Variants in AFF1 observed in about 807,000 individuals in gnomAD.
The protein encoded by AFF1 is ALF transcription elongation factor 1.
A neutral mutation model predicts 121.7 loss-of-function variants in AFF1; 48 were observed. The observed-to-expected ratio is 0.39, with a 90% CI of 0.31 to 0.50. The LOEUF (loss-of-function observed/expected upper bound fraction) is 0.50. Ranked by LOEUF, AFF1 falls within the 20% of genes least tolerant of loss-of-function variation. The probability of loss-of-function intolerance (pLI) is 0.76; values close to 1 mark genes in which losing one functional copy is unlikely to be tolerated. For synonymous variants in AFF1, 613 were observed against 563.0 expected (o/e 1.09, Z -1.26); for missense variants, 1,523 against 1,511.7 (o/e 1.01, Z -0.12).
intron 2 of AFF1, among the ~76,000 whole-genome samples, chr4:87,011,945 C>T (rs1726807566): frequency 6.6e-6 from 1 of 152,174 alleles, no homozygotes; most frequent in Non-Finnish European, 1.5e-5. Flanking sequence ...AAAAGATATT[C>T]CATAGCTGGA....
chr4:86,939,960 G>A (rs899681108), intron 1 of AFF1, among the ~76,000 whole-genome samples: 6 of 152,196 alleles, frequency 3.9e-5, no homozygotes, highest in Non-Finnish European at 8.8e-5. Flanking sequence ...CAGACAGCTT[G>A]GGTTTGAATC....
intron 12 of AFF1, among the ~76,000 whole-genome samples, chr4:87,117,965 C>T (rs568319030): frequency 1.3e-5 from 2 of 152,228 alleles, no homozygotes; most frequent in South Asian, 4.1e-4. Flanking sequence ...ATGGCAGAGA[C>T]AGGGCTGTGA....
At chr4:86,966,682 A>G (rs1442554215) in intron 2 of AFF1, among the ~76,000 whole-genome samples, 1 of 151,650 alleles carries the variant, frequency 6.6e-6, no homozygotes, top group Non-Finnish European at 1.5e-5. Context: ...AGCCTTTAGG[A>G]TTTGTTGATT....
rs1367438446 is a variant in AFF1, at chr4:87,139,736, G to A, written c.*4035G>A. 8.8e-6 allele frequency: 2 copies of A among 227,354 alleles called. No individual in the cohort carries two copies. The highest frequency in any genetic ancestry group is 4.4e-5 in the African/African-American group (2 of 44,964). 14.1% of individuals were successfully genotyped at this position (227,354 alleles called of 1,614,324 possible). ...TTGTGTCATTCTATTGGAAGGAGGT[G>A]TAACGGCAGAATAGCATCGTGTTGG... is the stretch of plus-strand genomic sequence containing the variant. On this transcript the variant is annotated 3_prime_UTR_variant, in exon 21 of 21. Coordinates refer to ENST00000395146, the MANE Select transcript of AFF1 (RefSeq NM_001166693.3).
intron 2 of AFF1, among the ~76,000 whole-genome samples, chr4:86,983,141 A>G (rs1229631510): frequency 2.6e-5 from 4 of 152,138 alleles, no homozygotes; most frequent in Non-Finnish European, 5.9e-5. Context: ...TTGTAATCCC[A>G]GCACTTTAGG....
chr4:87,078,292 T>G (rs1277680309), intron 4 of AFF1, among the ~76,000 whole-genome samples: 2 of 152,224 alleles, frequency 1.3e-5, no homozygotes, highest in African/African-American at 2.4e-5. Context: ...TGCTTTATAA[T>G]TCAGGCAGCC....
At chr4:87,093,316 T>A (rs1257404828) in intron 7 of AFF1, among the ~76,000 whole-genome samples, 1 of 152,158 alleles carries the variant, frequency 6.6e-6, no homozygotes, top group Non-Finnish European at 1.5e-5. Context: ...TATTTATCTT[T>A]GTGAGAATGT....
intron 4 of AFF1, among the ~76,000 whole-genome samples, chr4:87,058,745 C>G (rs1169131520): frequency 6.6e-6 from 1 of 152,160 alleles, no homozygotes. Context: ...TTTCTTGTTC[C>G]CTCCACAGCA....
chr4:87,024,657 A>G (rs1479081142), intron 2 of AFF1, among the ~76,000 whole-genome samples: 1 of 152,058 alleles, frequency 6.6e-6, no homozygotes, highest in Non-Finnish European at 1.5e-5. Flanking sequence ...CAGTGGCGCT[A>G]TCTGTTCACT....
chr4:87,029,449 C>T, intron 2 of AFF1, among the ~76,000 whole-genome samples: 1 of 152,326 alleles, frequency 6.6e-6, no homozygotes, highest in African/African-American at 2.4e-5. Context: ...TCAGATCCAG[C>T]AGTGCATTCT....
At chr4:87,013,522 CTGTT>C (rs1443993290) in intron 2 of AFF1, among the ~76,000 whole-genome samples, 2 of 152,174 alleles carry the variant, frequency 1.3e-5, no homozygotes, top group African/African-American at 2.4e-5. Flanking sequence ...AGGGCACTCA[CTGTT>C]TGACTGCATT....
chr4:87,120,080 A>T (rs913753149), intron 12 of AFF1, among the ~76,000 whole-genome samples: 6 of 152,234 alleles, frequency 3.9e-5, no homozygotes, highest in African/African-American at 1.4e-4. Flanking sequence ...TGAGGAGAGC[A>T]CCACAACCAT....
At chr4:87,020,493 T>C (rs905160439) in intron 2 of AFF1, among the ~76,000 whole-genome samples, 1 of 152,122 alleles carries the variant, frequency 6.6e-6, no homozygotes, top group Non-Finnish European at 1.5e-5. Context: ...TGTTTTGTTT[T>C]GTTTTGTTTC....
At chr4:87,045,731 T>C (rs1730621872) in intron 2 of AFF1, among the ~76,000 whole-genome samples, 2 of 152,192 alleles carry the variant, frequency 1.3e-5, no homozygotes, top group Admixed American at 6.5e-5. Flanking sequence ...TCTTTCAAAA[T>C]GTACGCTACT....
At chr4:87,120,165 C>G (rs147504603) in intron 12 of AFF1, among the ~76,000 whole-genome samples, 49 of 152,302 alleles carry the variant, frequency 3.2e-4, no homozygotes, top group African/African-American at 1.1e-3. Flanking sequence ...ATGAATTTCC[C>G]TTTTCTGTAG....
At chr4:86,995,815 C>G (rs906516927) in intron 2 of AFF1, among the ~76,000 whole-genome samples, 1 of 150,804 alleles carries the variant, frequency 6.6e-6, no homozygotes, top group Non-Finnish European at 1.5e-5. Context: ...GCTGCCCAGT[C>G]TGGAAAGTGA....
At chr4:87,005,945 A>G (rs1018324283) in intron 2 of AFF1, among the ~76,000 whole-genome samples, 1 of 151,234 alleles carries the variant, frequency 6.6e-6, no homozygotes, top group Non-Finnish European at 1.5e-5. Flanking sequence ...CAGCACAGTG[A>G]AAAGACAATG....
intron 2 of AFF1, chr4:86,973,967 G>A (rs1353833098): frequency 6.6e-6 from 1 of 152,176 alleles, no homozygotes; most frequent in Non-Finnish European, 1.5e-5. Flanking sequence ...CAGCCAGATT[G>A]TGAAACAATG....
chr4:87,036,287 A>G (rs536391332), intron 2 of AFF1, among the ~76,000 whole-genome samples: 5 of 152,208 alleles, frequency 3.3e-5, no homozygotes, highest in Admixed American at 3.3e-4. Context: ...AGTCTCAGGG[A>G]CTGAATTTTC....
Sources: allele counts gnomAD v4.1 joint callset (sites outside exome capture counted in the v4.1 genomes callset), GRCh38; gene constraint gnomAD v4.1.1; transcripts MANE v1.5; gene names NCBI Gene and HGNC (gene_info 2026-07-23, HGNC 2026-07-21).